Variants in RAD51B observed in about 807,000 individuals in gnomAD.
RAD51B encodes DNA repair protein RAD51 homolog 2.
Under a neutral mutation model 42.2 loss-of-function variants are expected in RAD51B, and 38 were observed. That is an observed-to-expected ratio of 0.90 (90% CI 0.70 to 1.18). RAD51B has a LOEUF of 1.18. Among genes scored for constraint, RAD51B ranks in the 50% most tolerant of loss-of-function variants. The pLI, the probability that RAD51B is intolerant of heterozygous loss-of-function variation, is 0.00. For synonymous variants in RAD51B, 154 were observed against 145.2 expected, an observed-to-expected ratio of 1.06 and a Z score of -0.43; for missense variants, 373 against 400.7, an observed-to-expected ratio of 0.93 and a Z score of 0.59.
At chr14:68,437,618 A>G (rs548283968) in intron 9 of RAD51B, among the ~76,000 whole-genome samples, 112 of 152,236 alleles carry the variant, frequency 7.4e-4, no homozygotes, top group Admixed American at 1.4e-3. Flanking sequence ...TTCATCCTTC[A>G]TATCCTTTCT....
chr14:68,094,775 T>C (rs530736656), intron 7 of RAD51B, among the ~76,000 whole-genome samples: 15 of 152,350 alleles, frequency 9.8e-5, no homozygotes, highest in African/African-American at 3.1e-4. Flanking sequence ...TGAGCAAAGC[T>C]GGAAAAAGTT....
At chr14:68,282,484 T>C (rs8022468) in intron 7 of RAD51B, among the ~76,000 whole-genome samples, 4,880 of 152,272 alleles carry the variant, frequency 0.032, 238 homozygotes, top group African/African-American at 0.11. Flanking sequence ...TCTGTTTAAT[T>C]GTAGGTTATT....
chr14:68,047,748 G>A (rs1283153010), intron 7 of RAD51B, among the ~76,000 whole-genome samples: 2 of 152,146 alleles, frequency 1.3e-5, no homozygotes, highest in Non-Finnish European at 2.9e-5. Context: ...ATATTTCAGG[G>A]AATGTCTACA....
intron 5 of RAD51B, among the ~76,000 whole-genome samples, chr14:67,872,568 C>T (rs1482917290): frequency 6.8e-6 from 1 of 147,340 alleles, no homozygotes; most frequent in Non-Finnish European, 1.5e-5. Context: ...TGACTTTCTT[C>T]ACAGAATTGG....
chr14:67,935,568 T>C (rs962103626), intron 7 of RAD51B, among the ~76,000 whole-genome samples: 4 of 152,280 alleles, frequency 2.6e-5, no homozygotes, highest in Non-Finnish European at 5.9e-5. Flanking sequence ...GATCTTGCTG[T>C]GTTGCCCAGG....
intron 7 of RAD51B, among the ~76,000 whole-genome samples, chr14:68,068,992 G>C (rs1175915454): frequency 6.8e-6 from 1 of 146,716 alleles, no homozygotes; most frequent in Non-Finnish European, 1.5e-5. Flanking sequence ...AATTTTGCTG[G>C]TGTTCTTGTT....
At chr14:68,544,222 T>G (rs1161162408) in intron 10 of RAD51B, among the ~76,000 whole-genome samples, 1 of 152,228 alleles carries the variant, frequency 6.6e-6, no homozygotes, top group African/African-American at 2.4e-5. Context: ...ACCCCAGTGT[T>G]GAAGACCTCA....
intron 9 of RAD51B, among the ~76,000 whole-genome samples, chr14:68,439,306 T>C (rs2085227093): frequency 6.6e-6 from 1 of 152,042 alleles, no homozygotes; most frequent in Admixed American, 6.5e-5. Context: ...GCCTCTGGGC[T>C]CTAGTAACAG....
chr14:68,105,085 T>G (rs1483492658), intron 7 of RAD51B, among the ~76,000 whole-genome samples: 2 of 151,778 alleles, frequency 1.3e-5, no homozygotes, highest in Non-Finnish European at 2.9e-5. Context: ...GTTTGAAAAA[T>G]ATTTACTTTA....
intron 7 of RAD51B, among the ~76,000 whole-genome samples, chr14:67,932,061 A>G (rs1005000048): frequency 6.6e-6 from 1 of 152,186 alleles, no homozygotes; most frequent in Non-Finnish European, 1.5e-5. Flanking sequence ...TTGGAGTACA[A>G]TTGAACATGT....
At chr14:68,404,593 A>G (rs1355064238) in intron 8 of RAD51B, among the ~76,000 whole-genome samples, 2 of 152,198 alleles carry the variant, frequency 1.3e-5, no homozygotes, top group Non-Finnish European at 2.9e-5. Context: ...CTATCACTGC[A>G]ATCACCCTTC....
At chr14:68,535,783 G>C (rs1287783793) in intron 10 of RAD51B, among the ~76,000 whole-genome samples, 1 of 152,156 alleles carries the variant, frequency 6.6e-6, no homozygotes, top group African/African-American at 2.4e-5. Flanking sequence ...CACTATTTCT[G>C]TGTGAAGCCT....
At chr14:68,466,210 T>C (rs2085982836) in intron 9 of RAD51B, among the ~76,000 whole-genome samples, 1 of 152,170 alleles carries the variant, frequency 6.6e-6, no homozygotes. Flanking sequence ...GCCAAGTATA[T>C]TGTTATTTGG....
intron 7 of RAD51B, among the ~76,000 whole-genome samples, chr14:67,981,184 T>G (rs1334308225): frequency 6.6e-6 from 1 of 152,146 alleles, no homozygotes; most frequent in Non-Finnish European, 1.5e-5. Context: ...ATGTCATTAA[T>G]TGTTAGGGAA....
At chr14:67,936,465 GATAGAACTC>G (rs2044956289) in intron 7 of RAD51B, among the ~76,000 whole-genome samples, 1 of 152,158 alleles carries the variant, frequency 6.6e-6, no homozygotes, top group Non-Finnish European at 1.5e-5. Flanking sequence ...CTGTTGTATA[GATAGAACTC>G]ATTTTGTTTA....
At chr14:67,921,380 T>C (rs183680502) in intron 7 of RAD51B, among the ~76,000 whole-genome samples, 55 of 152,294 alleles carry the variant, frequency 3.6e-4, no homozygotes, top group Non-Finnish European at 5.4e-4. Context: ...GTGGAATCTA[T>C]ATTTTTAACA....
intron 10 of RAD51B, among the ~76,000 whole-genome samples, chr14:68,632,865 AC>A (rs1892259654): frequency 6.7e-6 from 1 of 148,516 alleles, no homozygotes; most frequent in Non-Finnish European, 1.5e-5. Flanking sequence ...AGCCTTGACC[AC>A]CCAGGCTCAA....
intron 7 of RAD51B, among the ~76,000 whole-genome samples, chr14:68,218,758 T>C (rs1180375943): frequency 6.6e-6 from 1 of 152,198 alleles, no homozygotes; most frequent in African/African-American, 2.4e-5. Flanking sequence ...TACAATATAA[T>C]CTAAAAGGAT....
intron 8 of RAD51B, among the ~76,000 whole-genome samples, chr14:68,361,468 C>T (rs747637202): frequency 3.4e-4 from 52 of 152,314 alleles, no homozygotes; most frequent in Admixed American, 9.8e-4. Context: ...ACTGCTTTTA[C>T]ACTTGGCCAC....
Sources: gnomAD v4.1 joint callset for allele counts (sites outside exome capture counted in the v4.1 genomes callset) on GRCh38, gnomAD v4.1.1 for gene constraint, MANE v1.5 for transcripts, NCBI Gene and HGNC (gene_info 2026-07-23, HGNC 2026-07-21) for gene names.